Variants in SEMA6D observed in about 807,000 individuals in gnomAD.
SEMA6D encodes semaphorin 6D.
A neutral mutation model predicts 106.6 loss-of-function variants in SEMA6D; 35 were observed. That is an observed-to-expected ratio of 0.33 (90% CI 0.25 to 0.44). The LOEUF is 0.44. SEMA6D is among the 20% of genes least tolerant of loss of function. The pLI, the probability that SEMA6D is intolerant of heterozygous loss-of-function variation, is 1.00. For missense variants in SEMA6D, 1,185 were observed against 1,345.9 expected (o/e 0.88, Z 1.87); for synonymous variants, 499 against 487.7 (o/e 1.02, Z -0.31).
At chr15:47,544,061 C>A (rs1023106560) in intron 3 of SEMA6D, among the ~76,000 whole-genome samples, 1 of 151,892 alleles carries the variant, frequency 6.6e-6, no homozygotes, top group Admixed American at 6.6e-5. Flanking sequence ...ATTTTGACCA[C>A]GAAAATAAAC....
intron 3 of SEMA6D, among the ~76,000 whole-genome samples, chr15:47,495,256 AT>A (rs796262432): frequency 0.012 from 1,750 of 149,604 alleles, 35 homozygotes; most frequent in African/African-American, 0.04. Context: ...CCTTTGCTAT[AT>A]TTTTTTTTTA....
At chr15:47,576,852 C>T (rs2076164165) in intron 3 of SEMA6D, among the ~76,000 whole-genome samples, 4 of 152,148 alleles carry the variant, frequency 2.6e-5, no homozygotes, top group Admixed American at 6.5e-5. Context: ...ACGCGGCTCT[C>T]GGATCTGAGC....
At chr15:47,296,526 G>C (rs909082724) in intron 1 of SEMA6D, among the ~76,000 whole-genome samples, 1 of 152,136 alleles carries the variant, frequency 6.6e-6, no homozygotes, top group Non-Finnish European at 1.5e-5. Flanking sequence ...GCCTGTGTAG[G>C]TGAAACAGAA....
At chr15:47,727,584 G>A (rs999491715) in intron 1 of SEMA6D, among the ~76,000 whole-genome samples, 4 of 152,136 alleles carry the variant, frequency 2.6e-5, no homozygotes, top group Non-Finnish European at 4.4e-5. Flanking sequence ...ATGATTATGA[G>A]CTGAAGACAT....
intron 1 of SEMA6D, among the ~76,000 whole-genome samples, chr15:47,746,506 C>T (rs545666676): frequency 1.5e-4 from 23 of 152,284 alleles, no homozygotes; most frequent in African/African-American, 5.5e-4. Flanking sequence ...TATTTGAAAG[C>T]CTGGAAAGGC....
chr15:47,338,064 C>G (rs553574331), intron 1 of SEMA6D, among the ~76,000 whole-genome samples: 1 of 152,134 alleles, frequency 6.6e-6, no homozygotes. Flanking sequence ...TGTAACCTTA[C>G]GCTATCTGAA....
intron 1 of SEMA6D, among the ~76,000 whole-genome samples, chr15:47,216,748 C>T (rs1050677542): frequency 6.6e-6 from 1 of 151,638 alleles, no homozygotes; most frequent in Non-Finnish European, 1.5e-5. Flanking sequence ...TTCAAATGAC[C>T]AGTAGATATA....
intron 1 of SEMA6D, among the ~76,000 whole-genome samples, chr15:47,214,311 G>T (rs144359626): frequency 7.9e-5 from 12 of 152,280 alleles, no homozygotes; most frequent in Middle Eastern, 3.4e-3. Flanking sequence ...GAAAGGTGAT[G>T]CAGTGGAAGG....
At position 47,221,718 on chromosome 15, in the gene SEMA6D, A is replaced by G. The variant is rs1050435492; in HGVS notation, c.-239+37300A>G. On this transcript the variant is annotated intron_variant, in intron 1 of 19. Coordinates refer to the SEMA6D transcript ENST00000558014. ...CGCAGATGTTTTCATGTCATATTAC[A>G]GATTTGTAGACATCTTGAAATACTG... Among the ~76,000 whole-genome samples, 5 of 152,318 alleles carry G rather than the reference A, an allele frequency of 3.3e-5. No individual in the cohort carries two copies. The South Asian group carries it at 8.3e-4, about 25-fold the overall frequency.
chr15:47,207,993 G>GCGCGCGCA (rs1424944556), intron 1 of SEMA6D, among the ~76,000 whole-genome samples: 8 of 89,398 alleles, frequency 8.9e-5, no homozygotes, highest in East Asian at 1.1e-3. Flanking sequence ...TGGCGCGCGC[G>GCGCGCGCA]CACACACACA....
chr15:47,378,504 A>G (rs2039526438), intron 1 of SEMA6D, among the ~76,000 whole-genome samples: 1 of 152,158 alleles, frequency 6.6e-6, no homozygotes, highest in Admixed American at 6.5e-5. Flanking sequence ...TCAAAAATAA[A>G]ATAGAATAAA....
At chr15:47,649,449 G>GA (rs933881616) in intron 4 of SEMA6D, among the ~76,000 whole-genome samples, 4 of 151,018 alleles carry the variant, frequency 2.6e-5, no homozygotes, top group African/African-American at 9.7e-5. Context: ...AATAAAAGAA[G>GA]AAAAAAAAAG....
rs77285942 is a variant in SEMA6D at position 47,425,450 on chromosome 15, T to C, written c.-159+12978T>C. Among the ~76,000 whole-genome samples, 843 of 152,188 alleles carry C rather than the reference T, an allele frequency of 5.5e-3. 11 individuals carry two copies. Among genetic ancestry groups the C allele is most frequent in the African/African-American group, 0.019 (809 of 41,542 alleles). ...AGCCAAAGCACCATACTTTGGGGTA[T>C]TGCTTTCTGACCCCCAACAGAATCC... On this transcript the variant is annotated intron_variant, in intron 2 of 19. Coordinates refer to the SEMA6D transcript ENST00000558014.
At chr15:47,211,931 C>CA (rs1451140829) in intron 1 of SEMA6D, among the ~76,000 whole-genome samples, 1 of 151,806 alleles carries the variant, frequency 6.6e-6, no homozygotes, top group Non-Finnish European at 1.5e-5. Context: ...TGCAGACAGT[C>CA]AAGTCTTTAT....
At chr15:47,444,541 G>A (rs1295233013) in intron 2 of SEMA6D, among the ~76,000 whole-genome samples, 1 of 152,016 alleles carries the variant, frequency 6.6e-6, no homozygotes, top group East Asian at 1.9e-4. Flanking sequence ...CAGATAATGG[G>A]GAAAATACTC....
chr15:47,299,660 T>C (rs966501217), intron 1 of SEMA6D, among the ~76,000 whole-genome samples: 1 of 152,220 alleles, frequency 6.6e-6, no homozygotes, highest in African/African-American at 2.4e-5. Flanking sequence ...ATATGTGTAT[T>C]GTTATTCTTG....
At chr15:47,736,553 G>A (rs1223367858) in intron 1 of SEMA6D, among the ~76,000 whole-genome samples, 1 of 152,158 alleles carries the variant, frequency 6.6e-6, no homozygotes, top group Non-Finnish European at 1.5e-5. Flanking sequence ...GGCTTAGTTT[G>A]TCGCTTATTT....
chr15:47,492,466 G>A (rs1215200818), intron 3 of SEMA6D, among the ~76,000 whole-genome samples: 1 of 152,082 alleles, frequency 6.6e-6, no homozygotes, highest in Non-Finnish European at 1.5e-5. Flanking sequence ...CCAGCTCTTT[G>A]AACATTTGAT....
chr15:47,668,266 A>C (rs968422197), intron 4 of SEMA6D, among the ~76,000 whole-genome samples: 5 of 152,230 alleles, frequency 3.3e-5, no homozygotes, highest in African/African-American at 4.8e-5. Context: ...TGGCTTTCAA[A>C]TAACTTGGGT....
Sources: allele counts gnomAD v4.1 joint callset (sites outside exome capture counted in the v4.1 genomes callset), GRCh38; gene constraint gnomAD v4.1.1; transcripts MANE v1.5; gene names NCBI Gene and HGNC (gene_info 2026-07-23, HGNC 2026-07-21).